The following PHF2 variants were observed in gnomAD, a reference collection of about 807,000 sequenced individuals.
PHF2 encodes the protein lysine-specific demethylase PHF2.
In PHF2, 27 loss-of-function variants were observed where a neutral mutation model predicts 120.5. The ratio of observed to expected loss-of-function variants is 0.22; its 90% CI spans 0.17 to 0.31. PHF2 has a LOEUF of 0.31. Ranked by LOEUF, PHF2 falls within the 10% of genes least tolerant of loss-of-function variation. PHF2 has a pLI of 1.00. For synonymous variants in PHF2, 568 were observed against 592.5 expected (o/e 0.96, Z 0.60); for missense variants, 1,024 against 1,434.8 (o/e 0.71, Z 4.63).
intron 1 of PHF2, among the ~76,000 whole-genome samples, chr9:93,615,266 G>T (rs1028671577): frequency 1.3e-5 from 2 of 150,912 alleles, no homozygotes; most frequent in African/African-American, 4.9e-5. Flanking sequence ...GTGATGATTG[G>T]TGATGGTGAT....
In PHF2 at chr9:93,676,722, C is replaced by CCCTGCCTCTACCACA. The variant is rs149736720; in HGVS notation, c.2963_2964insTGCCTCTACCACACC (p.Thr992_Thr996dup). ...CCTCCACCACGCCAGCCTCTACCAC[C>CCCTGCCTCTACCACA]CCGGCCTCCACCACCCCGGCCTCCA... On this transcript the variant is annotated inframe_insertion, in exon 21 of 22. Coordinates refer to ENST00000359246, the MANE Select transcript of PHF2 (RefSeq NM_005392.4). 5.4e-5 allele frequency: 84 copies of CCCTGCCTCTACCACA among 1,552,466 alleles called. No homozygotes were observed. In the East Asian group the frequency reaches 9.5e-4, roughly 18 times the overall value.
At chr9:93,584,601 A>G (rs1007028518) in intron 1 of PHF2, among the ~76,000 whole-genome samples, 1 of 152,234 alleles carries the variant, frequency 6.6e-6, no homozygotes, top group East Asian at 1.9e-4. Context: ...ATTGGTCTAT[A>G]TGTGTCTCCT....
chr9:93,585,842 G>C (rs181264553), intron 1 of PHF2, among the ~76,000 whole-genome samples: 180 of 152,374 alleles, frequency 1.2e-3, no homozygotes, highest in African/African-American at 4.2e-3. Flanking sequence ...GAAAGCTTGG[G>C]CCATTGGAAA....
intron 1 of PHF2, among the ~76,000 whole-genome samples, chr9:93,613,755 TAGAG>T (rs1397318440): frequency 6.6e-6 from 1 of 152,014 alleles, no homozygotes; most frequent in Non-Finnish European, 1.5e-5. Context: ...ATATTTTTTG[TAGAG>T]AGAGTCTTAT....
intron 3 of PHF2, among the ~76,000 whole-genome samples, chr9:93,640,754 T>G (rs955912151): frequency 6.6e-6 from 1 of 152,208 alleles, no homozygotes; most frequent in Non-Finnish European, 1.5e-5. Context: ...TTCTTGCCAT[T>G]TAGCAGGCTT....
chr9:93,592,333 G>A (rs952789782), intron 1 of PHF2, among the ~76,000 whole-genome samples: 5 of 152,146 alleles, frequency 3.3e-5, no homozygotes, highest in Non-Finnish European at 7.4e-5. Flanking sequence ...CACTCAGGGC[G>A]GGCCCATTCT....
chr9:93,658,066 G>C, intron 9 of PHF2, 79 bp from the exon 10 acceptor site: 3 of 921,898 alleles, frequency 3.3e-6, no homozygotes, highest in African/African-American at 1.6e-5. Flanking sequence ...GGCATCCCCC[G>C]GTCTGGCTAT....
intron 1 of PHF2, among the ~76,000 whole-genome samples, chr9:93,585,830 G>A (rs930282443): frequency 6.6e-6 from 1 of 152,212 alleles, no homozygotes; most frequent in African/African-American, 2.4e-5. Flanking sequence ...ATGAATCTCC[G>A]GGAAAGCTTG....
At chr9:93,674,000 G>A (rs1182581614) in intron 18 of PHF2, 138 bp downstream of exon 18, 1 of 959,464 alleles carries the variant, frequency 1.0e-6, no homozygotes, top group Non-Finnish European at 1.5e-6. Context: ...GCCTCTGACT[G>A]CTGTCCCCGG....
chr9:93,645,769 G>A lies in PHF2; in HGVS notation c.440G>A (p.Ser147Asn). ...LAVPAPTFYV[S>N]DVENYVGPER... ...GTCCCGGCCCCCACGTTCTATGTCA[G>A]TGACGTCGAGAACTACGTGGGTAAG... The change falls in exon 4 of 22, where the codon AGT becomes AAT. Residue 147 changes from serine to asparagine, a missense_variant. Ser to Asn is a conservative substitution (Grantham distance 46, BLOSUM62 1). This residue lies in a region of PHF2 where 347 missense variants were observed against 577.4 expected (regional missense o/e 0.60). Coordinates refer to ENST00000359246, the MANE Select transcript of PHF2 (RefSeq NM_005392.4). 6.2e-7 allele frequency: 1 copy of A among 1,602,188 alleles called. No homozygotes were observed. Among genetic ancestry groups the A allele is most frequent in the Non-Finnish European group, 8.5e-7 (1 of 1,174,284 alleles).
intron 1 of PHF2, among the ~76,000 whole-genome samples, chr9:93,601,525 A>G (rs1825437811): frequency 6.6e-6 from 1 of 152,082 alleles, no homozygotes; most frequent in African/African-American, 2.4e-5. Flanking sequence ...GGTGGACTTA[A>G]GCAAATGTTT....
In PHF2 at chr9:93,656,144, G is replaced by A; in HGVS notation, c.1040+123G>A. 1 of 757,142 alleles carries A rather than the reference G, an allele frequency of 1.3e-6. No individual in the cohort carries two copies. Among genetic ancestry groups the A allele is most frequent in the Non-Finnish European group, 2.2e-6 (1 of 452,152 alleles). 46.9% of individuals were successfully genotyped at this position (757,142 alleles called of 1,614,324 possible). A position where few individuals can be genotyped will look rare whatever the true frequency, so the allele number is the denominator to read the frequency against. On this transcript the variant is annotated intron_variant, in intron 8 of 21. Transcript: ENST00000359246. This position sits in a 1 kb window ranked among gnomAD's most constrained non-coding sequence, Gnocchi z 4.1. Reference sequence around the variant, plus strand: ...GCCCGCCTGTGGGTGGCCTGGACATGACCGTCAGCCTCGGTGGGCCTCTTT... The same window carrying A: ...GCCCGCCTGTGGGTGGCCTGGACATAACCGTCAGCCTCGGTGGGCCTCTTT...
chr9:93,644,054 A>G lies in PHF2; in HGVS notation c.300-1575A>G, dbSNP rs1005125344. 3.3e-5 allele frequency among the ~76,000 whole-genome samples: 5 copies of G among 152,220 alleles called. No homozygotes were observed. The East Asian group carries it at 5.8e-4, about 18-fold the overall frequency. ...GCTGCAGGCCACTGTCCGCACAGCA[A>G]TGGACAACCCGCAGACTACACCACT... is the stretch of plus-strand genomic sequence containing the variant. On this transcript the variant is annotated intron_variant, in intron 3 of 21. Transcript: ENST00000359246.
intron 1 of PHF2, among the ~76,000 whole-genome samples, chr9:93,602,607 G>A (rs1178068706): frequency 6.6e-6 from 1 of 152,030 alleles, no homozygotes; most frequent in Admixed American, 6.6e-5. Flanking sequence ...GTGTGTGAAT[G>A]TGCAGTTCCC....
intron 1 of PHF2, among the ~76,000 whole-genome samples, chr9:93,617,708 C>T (rs1825751308): frequency 6.6e-6 from 1 of 152,172 alleles, no homozygotes; most frequent in Non-Finnish European, 1.5e-5. Context: ...AGGCCATCTG[C>T]AAGCTGAGGA....
chr9:93,653,207 A>G lies in PHF2; in HGVS notation c.631A>G (p.Ile211Val), dbSNP rs1364697615. The G allele has an allele frequency of 3.1e-6, 5 of 1,613,998 alleles. No individual in the cohort carries two copies. In the African/African-American group the frequency reaches 4.0e-5, roughly 13 times the overall value. ...GTCCAGCTTCGTGGAGCCACCTGAC[A>G]TTGTAAAGAAACTGTCATGGGTAGA... ...RMSSFVEPPD[I>V]VKKLSWVENY... The change falls in exon 6 of 22, where the codon ATT (isoleucine) becomes GTT (valine). Residue 211 changes from isoleucine to valine, a missense_variant. Coordinates refer to ENST00000359246, the MANE Select transcript of PHF2 (RefSeq NM_005392.4).
intron 7 of PHF2, among the ~76,000 whole-genome samples, chr9:93,655,179 G>A (rs1354466953): frequency 1.3e-5 from 2 of 151,802 alleles, no homozygotes; most frequent in African/African-American, 4.8e-5. Context: ...CTGTAATACT[G>A]TTGTCACACC....
At chr9:93,616,732 C>T (rs77030578) in intron 1 of PHF2, among the ~76,000 whole-genome samples, 12 of 151,862 alleles carry the variant, frequency 7.9e-5, no homozygotes, top group African/African-American at 2.4e-4. Flanking sequence ...CTCGGCTCAC[C>T]GCAACCTCCG....
chr9:93,673,291 C>T (rs1390674709), intron 17 of PHF2, among the ~76,000 whole-genome samples: 1 of 151,852 alleles, frequency 6.6e-6, no homozygotes, highest in Non-Finnish European at 1.5e-5. Flanking sequence ...AGGGTCTGGA[C>T]CCTCCTTCCC....
Sources: gnomAD v4.1 joint callset for allele counts (sites outside exome capture counted in the v4.1 genomes callset) on GRCh38, gnomAD v4.1.1 for gene constraint, gnomAD v4.1.1 regional missense constraint, Gnocchi (gnomAD v3.1) non-coding constraint, MANE v1.5 for transcripts, NCBI Gene and HGNC (gene_info 2026-07-23, HGNC 2026-07-21) for gene names.